The following LRRC49 variants were observed in gnomAD, a reference collection of about 807,000 sequenced individuals.
LRRC49 encodes the protein leucine-rich repeat-containing protein 49.
In LRRC49, 50 loss-of-function variants were observed where a neutral mutation model predicts 83.3. The observed-to-expected ratio is 0.60, with a 90% CI of 0.48 to 0.76. The LOEUF is 0.76. Ranked by LOEUF, LRRC49 falls within the 30% of genes least tolerant of loss-of-function variation. The probability of loss-of-function intolerance (pLI) is 0.00; values close to 1 mark genes in which losing one functional copy is unlikely to be tolerated. For synonymous variants in LRRC49, 286 were observed against 283.3 expected (o/e 1.01, Z -0.10); for missense variants, 704 against 809.1 (o/e 0.87, Z 1.58).
At chr15:71,010,744 T>C (rs1463631510) in intron 13 of LRRC49, among the ~76,000 whole-genome samples, 1 of 152,006 alleles carries the variant, frequency 6.6e-6, no homozygotes, top group Non-Finnish European at 1.5e-5. Flanking sequence ...TTTTAAAATA[T>C]TAATTTGGAA....
intron 3 of LRRC49, among the ~76,000 whole-genome samples, chr15:70,896,175 G>T (rs891068793): frequency 1.3e-5 from 2 of 152,000 alleles, no homozygotes; most frequent in African/African-American, 2.4e-5. Context: ...ATACACTAGA[G>T]AATGGAAAAA....
intron 1 of LRRC49, among the ~76,000 whole-genome samples, chr15:70,867,346 T>C (rs2032935559): frequency 6.6e-6 from 1 of 152,298 alleles, no homozygotes; most frequent in Non-Finnish European, 1.5e-5. Flanking sequence ...TTTGTTTTTT[T>C]CTTCTGAGCA....
intron 5 of LRRC49, chr15:70,908,613 G>A (rs2034417429): frequency 6.6e-6 from 1 of 152,410 alleles, no homozygotes; most frequent in African/African-American, 2.4e-5. Context: ...GGGGAAATTG[G>A]AGAAGTCACA....
At chr15:70,964,329 A>G (rs776568170) in intron 9 of LRRC49, among the ~76,000 whole-genome samples, 9 of 152,154 alleles carry the variant, frequency 5.9e-5, no homozygotes, top group Non-Finnish European at 1.3e-4. Context: ...TCCTTTGGCA[A>G]TGTATTTAAT....
At chr15:71,020,453 C>T (rs887891768) in intron 14 of LRRC49, among the ~76,000 whole-genome samples, 1 of 152,066 alleles carries the variant, frequency 6.6e-6, no homozygotes, top group African/African-American at 2.4e-5. Flanking sequence ...ATGAAATACA[C>T]AAACTACATA....
chr15:70,905,670 A>G (rs1452051558), intron 5 of LRRC49, among the ~76,000 whole-genome samples: 1 of 152,212 alleles, frequency 6.6e-6, no homozygotes, highest in East Asian at 1.9e-4. Flanking sequence ...AGGCTTGATA[A>G]CAAGTGGACA....
chr15:70,937,207 C>T (rs1044183436), intron 8 of LRRC49, among the ~76,000 whole-genome samples: 1 of 152,180 alleles, frequency 6.6e-6, no homozygotes, highest in African/African-American at 2.4e-5. Context: ...AATTTTAATA[C>T]AGCAGGCTAT....
intron 1 of LRRC49, among the ~76,000 whole-genome samples, chr15:70,863,603 A>G (rs1328176898): frequency 6.6e-6 from 1 of 152,244 alleles, no homozygotes; most frequent in Non-Finnish European, 1.5e-5. Context: ...AAGAATAGTC[A>G]TCCCAGAGAA....
chr15:70,875,286 A>G (rs2033128992), intron 2 of LRRC49, among the ~76,000 whole-genome samples: 1 of 152,190 alleles, frequency 6.6e-6, no homozygotes, highest in Admixed American at 6.5e-5. Flanking sequence ...CTAACTATTG[A>G]CTAAAATGAG....
chr15:71,037,087 G>T, intron 14 of LRRC49, 92 bp from the exon 15 acceptor site: 1 of 851,634 alleles, frequency 1.2e-6, no homozygotes, highest in South Asian at 1.6e-5. Flanking sequence ...ATTCAAAAAA[G>T]TATATGTTCT....
At chr15:70,952,078 G>C (rs1380936683) in intron 8 of LRRC49, among the ~76,000 whole-genome samples, 1 of 152,066 alleles carries the variant, frequency 6.6e-6, no homozygotes, top group Non-Finnish European at 1.5e-5. Flanking sequence ...ATTGATTTGT[G>C]TATGTTGAAC....
chr15:70,906,670 G>A (rs1216044240), intron 5 of LRRC49, among the ~76,000 whole-genome samples: 1 of 151,910 alleles, frequency 6.6e-6, no homozygotes, highest in East Asian at 1.9e-4. Flanking sequence ...TTTTGTTTTT[G>A]TTAACTTGTG....
chr15:71,021,716 GCTGGCTGTAAC>G (rs2039001286), intron 14 of LRRC49, among the ~76,000 whole-genome samples: 1 of 152,138 alleles, frequency 6.6e-6, no homozygotes, highest in African/African-American at 2.4e-5. Context: ...TTGAGGGTTG[GCTGGCTGTAAC>G]CTGGTCTAGG....
At chr15:70,899,288 T>C (rs2033968990) in intron 3 of LRRC49, among the ~76,000 whole-genome samples, 1 of 152,152 alleles carries the variant, frequency 6.6e-6, no homozygotes, top group African/African-American at 2.4e-5. Context: ...TGAGGTTGTC[T>C]GCTGCTTGGA....
At chr15:71,046,582 A>G (rs2039861141) in intron 15 of LRRC49, among the ~76,000 whole-genome samples, 1 of 152,092 alleles carries the variant, frequency 6.6e-6, no homozygotes, top group Admixed American at 6.6e-5. Context: ...TAAGTTCCCT[A>G]TAAATTCTGG....
chr15:71,044,475 A>G (rs2039790759), intron 15 of LRRC49, among the ~76,000 whole-genome samples: 1 of 152,190 alleles, frequency 6.6e-6, no homozygotes, highest in Admixed American at 6.5e-5. Flanking sequence ...GGAATTTAAA[A>G]CATATTTTAT....
intron 8 of LRRC49, among the ~76,000 whole-genome samples, chr15:70,959,218 T>C (rs11072240): frequency 0.8 from 121,484 of 151,806 alleles, 49,202 homozygotes; most frequent in Admixed American, 0.86. Flanking sequence ...CCCGGCTGGA[T>C]GCGGTGGCTC....
intron 9 of LRRC49, among the ~76,000 whole-genome samples, chr15:70,972,233 T>A (rs2037031747): frequency 6.6e-6 from 1 of 152,216 alleles, no homozygotes; most frequent in African/African-American, 2.4e-5. Flanking sequence ...TATTTCTCCT[T>A]CACTTATGAA....
intron 11 of LRRC49, among the ~76,000 whole-genome samples, chr15:70,987,832 T>G (rs368414288): frequency 1.3e-4 from 20 of 152,220 alleles, no homozygotes; most frequent in East Asian, 9.6e-4. Flanking sequence ...TCTGGTATGT[T>G]GTGTCTTTGT....
Sources: gnomAD v4.1 joint callset for allele counts (sites outside exome capture counted in the v4.1 genomes callset) on GRCh38, gnomAD v4.1.1 for gene constraint, MANE v1.5 for transcripts, NCBI Gene and HGNC (gene_info 2026-07-23, HGNC 2026-07-21) for gene names.